The following GPC6 variants were observed in gnomAD, a reference collection of about 807,000 sequenced individuals.
GPC6 encodes glypican-6.
Under a neutral mutation model 55.2 loss-of-function variants are expected in GPC6, and 14 were observed. The observed-to-expected ratio is 0.25, with a 90% CI of 0.17 to 0.40. The LOEUF is 0.40. Ranked by LOEUF, GPC6 falls within the 10% of genes least tolerant of loss-of-function variation. GPC6 has a pLI of 1.00. For missense variants in GPC6, 641 were observed against 708.5 expected (o/e 0.90, Z 1.08); for synonymous variants, 278 against 259.6 (o/e 1.07, Z -0.68).
chr13:93,875,012 G>C (rs1330561473), intron 3 of GPC6, among the ~76,000 whole-genome samples: 1 of 151,908 alleles, frequency 6.6e-6, no homozygotes, highest in Non-Finnish European at 1.5e-5. Context: ...TAATATTAGA[G>C]ACTATAATAA....
chr13:93,523,022 T>C (rs1451498191), intron 1 of GPC6, among the ~76,000 whole-genome samples: 4 of 149,234 alleles, frequency 2.7e-5, no homozygotes, highest in Non-Finnish European at 4.4e-5. Flanking sequence ...AATATATATA[T>C]ATATATATAC....
chr13:93,673,588 A>G (rs1156793215), intron 2 of GPC6, among the ~76,000 whole-genome samples: 1 of 152,094 alleles, frequency 6.6e-6, no homozygotes, highest in Non-Finnish European at 1.5e-5. Flanking sequence ...AAGTGACTTA[A>G]TGATCACCTA....
At chr13:93,835,341 G>A (rs1801011643) in intron 3 of GPC6, among the ~76,000 whole-genome samples, 1 of 152,168 alleles carries the variant, frequency 6.6e-6, no homozygotes, top group Non-Finnish European at 1.5e-5. Flanking sequence ...TGTAGTTCCA[G>A]CTATTTGAGA....
At position 93,384,589 on chromosome 13, in the gene GPC6, A is replaced by G. The variant is rs149310093; in HGVS notation, c.160+156973A>G. Among the ~76,000 whole-genome samples, 620 of 152,332 alleles carry G rather than the reference A, an allele frequency of 4.1e-3. 1 individual carries two copies. The highest frequency in any genetic ancestry group is 0.017 in the Middle Eastern group (5 of 294). ...ACTGTAAAGTAATGCACTAGAAGAA[A>G]GATATAGTGATGAAAGAAAATGATT... On this transcript the variant is annotated intron_variant, in intron 1 of 8. Coordinates refer to ENST00000377047, the MANE Select transcript of GPC6 (RefSeq NM_005708.5).
chr13:93,451,587 G>T (rs1306550812), intron 1 of GPC6, among the ~76,000 whole-genome samples: 1 of 152,216 alleles, frequency 6.6e-6, no homozygotes, highest in East Asian at 1.9e-4. Flanking sequence ...GTACATGGAA[G>T]CTTGTGTGTC....
intron 4 of GPC6, among the ~76,000 whole-genome samples, chr13:94,072,161 A>G (rs1314362795): frequency 6.6e-6 from 1 of 152,210 alleles, no homozygotes; most frequent in Admixed American, 6.5e-5. Flanking sequence ...AAAAGTTACC[A>G]TCTAATTGTG....
chr13:93,332,719 A>C (rs1879896667), intron 1 of GPC6, among the ~76,000 whole-genome samples: 1 of 152,082 alleles, frequency 6.6e-6, no homozygotes, highest in Non-Finnish European at 1.5e-5. Flanking sequence ...AGCTTGATAT[A>C]ATTCCATTTG....
intron 3 of GPC6, among the ~76,000 whole-genome samples, chr13:93,952,853 C>CGTATATATAT: frequency 7.6e-6 from 1 of 130,744 alleles, no homozygotes; most frequent in Non-Finnish European, 1.6e-5. Context: ...CATATATATA[C>CGTATATATAT]GTATATATAT....
At chr13:94,061,979 C>G (rs1208992948) in intron 4 of GPC6, among the ~76,000 whole-genome samples, 1 of 152,062 alleles carries the variant, frequency 6.6e-6, no homozygotes, top group African/African-American at 2.4e-5. Flanking sequence ...TTCTCTTACT[C>G]CAGTCCTAAG....
intron 3 of GPC6, among the ~76,000 whole-genome samples, chr13:94,004,365 A>G (rs760067972): frequency 1.6e-4 from 25 of 152,000 alleles, no homozygotes; most frequent in Non-Finnish European, 2.8e-4. Flanking sequence ...ATGATACTTA[A>G]CAATGTCTGA....
chr13:94,363,948 T>C (rs1193264028), intron 6 of GPC6, among the ~76,000 whole-genome samples: 1 of 152,222 alleles, frequency 6.6e-6, no homozygotes, highest in East Asian at 1.9e-4. Context: ...ATTTAAATGT[T>C]TCGTGTTCAC....
intron 4 of GPC6, among the ~76,000 whole-genome samples, chr13:94,193,343 A>G (rs1332690576): frequency 6.6e-6 from 1 of 151,990 alleles, no homozygotes; most frequent in Non-Finnish European, 1.5e-5. Flanking sequence ...AAAATGTAGT[A>G]TTTCCTTTGC....
chr13:94,252,316 T>A (rs1025319133), intron 4 of GPC6, among the ~76,000 whole-genome samples: 4 of 152,172 alleles, frequency 2.6e-5, no homozygotes, highest in Non-Finnish European at 5.9e-5. Context: ...GTTTATTAAT[T>A]ATGATATTGA....
At chr13:93,676,090 G>T (rs922696226) in intron 2 of GPC6, among the ~76,000 whole-genome samples, 1 of 105,208 alleles carries the variant, frequency 9.5e-6, no homozygotes, top group Non-Finnish European at 1.8e-5. Context: ...GGCCAACACA[G>T]CAAAACTGTT....
At chr13:93,603,337 A>G (rs1188305742) in intron 2 of GPC6, among the ~76,000 whole-genome samples, 1 of 152,126 alleles carries the variant, frequency 6.6e-6, no homozygotes, top group Non-Finnish European at 1.5e-5. Context: ...TGTTAGCCAT[A>G]TTGCATCACT....
chr13:93,925,755 C>A (rs1409179993), intron 3 of GPC6, among the ~76,000 whole-genome samples: 2 of 152,148 alleles, frequency 1.3e-5, no homozygotes, highest in Non-Finnish European at 2.9e-5. Context: ...GAGGCCTCAG[C>A]CAGGGTGGCT....
intron 1 of GPC6, among the ~76,000 whole-genome samples, chr13:93,407,769 T>C (rs1876348290): frequency 6.6e-6 from 1 of 152,196 alleles, no homozygotes; most frequent in Non-Finnish European, 1.5e-5. Flanking sequence ...GTGGGTAACT[T>C]TGAGCAAGTC....
chr13:93,706,212 T>A (rs1407654246), intron 2 of GPC6, among the ~76,000 whole-genome samples: 1 of 151,882 alleles, frequency 6.6e-6, no homozygotes, highest in African/African-American at 2.4e-5. Context: ...GAAATACTAT[T>A]CAAAAATGCA....
intron 3 of GPC6, among the ~76,000 whole-genome samples, chr13:93,850,679 T>G (rs1030946223): frequency 6.6e-6 from 1 of 151,852 alleles, no homozygotes; most frequent in African/African-American, 2.4e-5. Flanking sequence ...TAGGAGAAAA[T>G]GTAAAGAGAG....
Sources: allele counts gnomAD v4.1 joint callset (sites outside exome capture counted in the v4.1 genomes callset), GRCh38; gene constraint gnomAD v4.1.1; transcripts MANE v1.5; gene names NCBI Gene and HGNC (gene_info 2026-07-23, HGNC 2026-07-21).